The following KCNAB1 variants were observed in gnomAD, a reference collection of about 807,000 sequenced individuals.
The protein encoded by KCNAB1 is voltage-gated potassium channel subunit beta-1.
KCNAB1 carries 35 observed loss-of-function variants against 64.6 expected under a neutral mutation model. The ratio of observed to expected loss-of-function variants is 0.54; its 90% CI spans 0.41 to 0.72. KCNAB1 has a LOEUF of 0.72. Among genes scored for constraint, KCNAB1 ranks in the 30% least tolerant of loss-of-function variants. KCNAB1 has a pLI of 0.00. For missense variants in KCNAB1, 401 were observed against 512.9 expected (o/e 0.78, Z 2.11); for synonymous variants, 177 against 183.8 (o/e 0.96, Z 0.30).
chr3:156,430,777 G>T (rs566012876), intron 2 of KCNAB1, among the ~76,000 whole-genome samples: 12 of 152,108 alleles, frequency 7.9e-5, no homozygotes, highest in Non-Finnish European at 1.8e-4. Context: ...CCAAACTTCC[G>T]CTTCCTCCTT....
intron 1 of KCNAB1, among the ~76,000 whole-genome samples, chr3:156,271,492 G>A (rs1311421517): frequency 6.6e-6 from 1 of 151,938 alleles, no homozygotes; most frequent in Non-Finnish European, 1.5e-5. Flanking sequence ...GCATTCTTCA[G>A]TATGTTAACT....
intron 1 of KCNAB1, among the ~76,000 whole-genome samples, chr3:156,314,894 G>T (rs1291731015): frequency 6.6e-6 from 1 of 152,100 alleles, no homozygotes; most frequent in Non-Finnish European, 1.5e-5. Flanking sequence ...CATGCCTGTA[G>T]TCCCAGCTAC....
chr3:156,370,690 T>C (rs1267142170), intron 1 of KCNAB1, among the ~76,000 whole-genome samples: 1 of 152,226 alleles, frequency 6.6e-6, no homozygotes, highest in African/African-American at 2.4e-5. Context: ...CCTCCCTGGA[T>C]TGTATCTCTC....
Position 156,120,809 on chromosome 3 carries a change from G to A in KCNAB1, c.198G>A (p.Val66=), listed in dbSNP as rs1713295827. Residue 66 remains valine, a synonymous_variant, in exon 1 of 14, where the codon GTG becomes GTA. Coordinates refer to ENST00000490337, the MANE Select transcript of KCNAB1 (RefSeq NM_172160.3). The stretch of plus-strand genomic sequence containing the variant: ...GTCAACTGGCTCTGCTGCGCGAAGT[G>A]GAGATGAACTGGTACCTAAAGCTCT... ...RARQLALLRE[V]EMNWYLKLCD... is the part of the protein sequence containing the mutation. 1.2e-6 allele frequency: 2 copies of A among 1,614,252 alleles called. No homozygotes were observed. Among genetic ancestry groups the A allele is most frequent in the Admixed American group, 1.7e-5 (1 of 60,028 alleles).
intron 1 of KCNAB1, chr3:156,143,569 GTTTT>G (rs56216211): frequency 2.4e-4 from 71 of 296,906 alleles, no homozygotes; most frequent in Middle Eastern, 1.7e-3. Context: ...TTGCATTCTT[GTTTT>G]TTTTTTTTTT....
At chr3:156,361,152 TC>T (rs1370669626) in intron 1 of KCNAB1, among the ~76,000 whole-genome samples, 1 of 152,040 alleles carries the variant, frequency 6.6e-6, no homozygotes, top group African/African-American at 2.4e-5. Context: ...CCCTCATCAT[TC>T]TTCTCATCTC....
At chr3:156,289,253 C>G (rs1417669122) in intron 1 of KCNAB1, among the ~76,000 whole-genome samples, 1 of 152,244 alleles carries the variant, frequency 6.6e-6, no homozygotes, top group African/African-American at 2.4e-5. Context: ...CTGAGCCCCC[C>G]ACACATCTCC....
chr3:156,425,017 T>C lies in KCNAB1; in HGVS notation c.319+3358T>C, dbSNP rs78142423. Among the ~76,000 whole-genome samples the C allele has an allele frequency of 7.0e-3, 1,072 of 152,338 alleles. 12 individuals carry two copies. Among genetic ancestry groups the C allele is most frequent in the African/African-American group, 0.025 (1,035 of 41,562 alleles). On this transcript the variant is annotated intron_variant, in intron 2 of 13. Coordinates refer to ENST00000490337, the MANE Select transcript of KCNAB1 (RefSeq NM_172160.3). ...TTTCAGAACTTTTTTGAACTGCCTC[T>C]ATAAGCCAGAGGAGACAAGAAATTC...
intron 1 of KCNAB1, among the ~76,000 whole-genome samples, chr3:156,288,410 A>G (rs181327149): frequency 2.6e-5 from 4 of 152,276 alleles, no homozygotes; most frequent in African/African-American, 7.2e-5. Flanking sequence ...TCTTACTGAA[A>G]CCTGAAATGA....
chr3:156,525,433 TAAAGA>T (rs932531544), intron 12 of KCNAB1, among the ~76,000 whole-genome samples: 41 of 152,308 alleles, frequency 2.7e-4, no homozygotes, highest in African/African-American at 9.6e-4. Context: ...TATAACAATA[TAAAGA>T]AAATACTTTT....
intron 1 of KCNAB1, among the ~76,000 whole-genome samples, chr3:156,296,957 A>G (rs1051032347): frequency 1.3e-5 from 2 of 152,176 alleles, no homozygotes; most frequent in Non-Finnish European, 2.9e-5. Context: ...GATGATCCAT[A>G]TGGTTTGGTA....
intron 1 of KCNAB1, among the ~76,000 whole-genome samples, chr3:156,190,972 C>A (rs1040751948): frequency 1.3e-5 from 2 of 152,132 alleles, no homozygotes; most frequent in African/African-American, 4.8e-5. Context: ...GGATTACAGG[C>A]GTGAACTACT....
intron 1 of KCNAB1, among the ~76,000 whole-genome samples, chr3:156,208,317 T>A (rs959536077): frequency 3.9e-5 from 6 of 152,160 alleles, no homozygotes; most frequent in African/African-American, 1.4e-4. Context: ...ACCCTTCTTT[T>A]TGATGCTCCT....
At chr3:156,244,596 C>T (rs1371495090) in intron 1 of KCNAB1, among the ~76,000 whole-genome samples, 2 of 152,184 alleles carry the variant, frequency 1.3e-5, no homozygotes, top group Admixed American at 6.5e-5. Flanking sequence ...CAGCTCTTCC[C>T]ACACTTGTGC....
At chr3:156,197,168 G>A (rs1714004843) in intron 1 of KCNAB1, among the ~76,000 whole-genome samples, 1 of 152,178 alleles carries the variant, frequency 6.6e-6, no homozygotes. Flanking sequence ...GATCGTGATG[G>A]ATAAACTTTT....
intron 8 of KCNAB1, among the ~76,000 whole-genome samples, chr3:156,492,092 C>T (rs1219529137): frequency 6.6e-6 from 1 of 152,020 alleles, no homozygotes; most frequent in Non-Finnish European, 1.5e-5. Flanking sequence ...GACTCCTAGC[C>T]CTAGTGCTCC....
chr3:156,523,735 C>A (rs1718107763), intron 11 of KCNAB1, 92 bp from the exon 12 acceptor site: 2 of 1,239,280 alleles, frequency 1.6e-6, no homozygotes, highest in African/African-American at 1.5e-5. Flanking sequence ...TTCAGAAAAT[C>A]ATTATGAGGT....
intron 1 of KCNAB1, among the ~76,000 whole-genome samples, chr3:156,174,293 T>C (rs543957682): frequency 6.6e-6 from 1 of 152,332 alleles, no homozygotes; most frequent in African/African-American, 2.4e-5. Context: ...CAATAATTAA[T>C]TTTTAGTGGT....
At chr3:156,379,160 C>T (rs1022935608) in intron 1 of KCNAB1, among the ~76,000 whole-genome samples, 8 of 152,204 alleles carry the variant, frequency 5.3e-5, no homozygotes, top group African/African-American at 1.9e-4. Flanking sequence ...GGTGACGATC[C>T]CGCTGAGAAG....
Sources: gnomAD v4.1 joint callset for allele counts (sites outside exome capture counted in the v4.1 genomes callset) on GRCh38, gnomAD v4.1.1 for gene constraint, MANE v1.5 for transcripts, NCBI Gene and HGNC (gene_info 2026-07-23, HGNC 2026-07-21) for gene names.